ABI3BP: variants seen among roughly 807,000 people sequenced by gnomAD.
ABI3BP encodes the protein ABI family member 3 binding protein, also known as target of Nesh-SH3.
ABI3BP carries 216 observed loss-of-function variants against 268.6 expected under a neutral mutation model. That is an observed-to-expected ratio of 0.80 (90% CI 0.72 to 0.90). The LOEUF (loss-of-function observed/expected upper bound fraction) is 0.90. Among genes scored for constraint, ABI3BP ranks in the 40% least tolerant of loss-of-function variants. ABI3BP has a pLI of 0.00. For synonymous variants in ABI3BP, 730 were observed against 730.0 expected (o/e 1.00, Z 0.00); for missense variants, 2,090 against 2,182.4 (o/e 0.96, Z 0.84).
chr3:100,840,103 T>C lies in ABI3BP; in HGVS notation c.1866A>G (p.Thr622=). ...RPRPRPRPKT[T]PSPEVPKSKP... ...TGGACTTGGGCACTTCTGGACTAGGTGTGGTTTTAGGGCGGGGACGGGGGC... is the reference window on the plus strand; with the variant it reads ...TGGACTTGGGCACTTCTGGACTAGGCGTGGTTTTAGGGCGGGGACGGGGGC... The change falls in exon 23 of 68, where the codon ACA becomes ACG. Residue 622 remains threonine (T), a synonymous_variant. Transcript: ENST00000471714. 1 of 1,280,760 alleles carries C rather than the reference T, an allele frequency of 7.8e-7. No individual in the cohort carries two copies. Among genetic ancestry groups the C allele is most frequent in the Non-Finnish European group, 1.0e-6 (1 of 973,942 alleles). 79.3% of individuals were successfully genotyped at this position (1,280,760 alleles called of 1,614,324 possible).
At chr3:100,810,571 T>C (rs76010632) in intron 48 of ABI3BP, 94 bp from the exon 49 acceptor site, 1 of 809,028 alleles carries the variant, frequency 1.2e-6, no homozygotes, top group African/African-American at 1.7e-5. Context: ...TAGATTTTTT[T>C]AAAATAAAGA....
chr3:100,926,537 C>T, intron 1 of ABI3BP, 56 bp from the exon 2 acceptor site: 2 of 1,503,170 alleles, frequency 1.3e-6, no homozygotes, highest in Non-Finnish European at 1.8e-6. Flanking sequence ...TAGCATCCTA[C>T]CCAACTTCCC....
At chr3:100,878,163 TATTA>T (rs1470140967) in intron 6 of ABI3BP, among the ~76,000 whole-genome samples, 1 of 152,210 alleles carries the variant, frequency 6.6e-6, no homozygotes, top group Non-Finnish European at 1.5e-5. Flanking sequence ...ATAGAGGTTT[TATTA>T]AATGATAGTT....
intron 30 of ABI3BP, 87 bp from the exon 31 acceptor site, chr3:100,832,437 T>C (rs1254415827): frequency 5.7e-6 from 7 of 1,229,500 alleles, no homozygotes; most frequent in African/African-American, 1.5e-5. Context: ...TTTAAAATAC[T>C]TGTTAGAGTT....
At chr3:100,795,943 T>G (rs1013322818) in intron 52 of ABI3BP, 92 bp from the exon 53 acceptor site, 1 of 883,664 alleles carries the variant, frequency 1.1e-6, no homozygotes, top group African/African-American at 1.8e-5. Flanking sequence ...TGCATTGATT[T>G]AATAATTTAA....
chr3:100,756,999 A>G (rs1402005875), intron 63 of ABI3BP, among the ~76,000 whole-genome samples: 1 of 152,070 alleles, frequency 6.6e-6, no homozygotes, highest in Non-Finnish European at 1.5e-5. Context: ...ATGTCTCAAT[A>G]TTGATTGTAC....
intron 1 of ABI3BP, among the ~76,000 whole-genome samples, chr3:100,966,750 T>C (rs571118795): frequency 6.6e-6 from 1 of 152,266 alleles, no homozygotes; most frequent in East Asian, 1.9e-4. Context: ...AGAATGTCCT[T>C]CTTCTTCTTC....
intron 63 of ABI3BP, among the ~76,000 whole-genome samples, chr3:100,762,077 A>G (rs2095994172): frequency 6.6e-6 from 1 of 152,144 alleles, no homozygotes; most frequent in Admixed American, 6.5e-5. Context: ...TCCTCCAAGC[A>G]TTGAAATATG....
At chr3:100,949,117 A>C (rs375893020) in intron 1 of ABI3BP, among the ~76,000 whole-genome samples, 1 of 152,112 alleles carries the variant, frequency 6.6e-6, no homozygotes, top group African/African-American at 2.4e-5. Flanking sequence ...ATAGCTTTAT[A>C]TCTTTATTTT....
intron 59 of ABI3BP, among the ~76,000 whole-genome samples, chr3:100,777,302 A>G (rs2096732311): frequency 6.6e-6 from 1 of 152,200 alleles, no homozygotes; most frequent in African/African-American, 2.4e-5. Flanking sequence ...GGGAGGAAAG[A>G]TGGGGAACAT....
intron 20 of ABI3BP, 70 bp downstream of exon 20, chr3:100,846,302 T>C: frequency 2.9e-6 from 3 of 1,044,128 alleles, no homozygotes; most frequent in Non-Finnish European, 4.2e-6. Flanking sequence ...AAATTCTTGC[T>C]CCAAATAATT....
chr3:100,952,518 A>G (rs2075433829), intron 1 of ABI3BP: 1 of 152,228 alleles, frequency 6.6e-6, no homozygotes, highest in Admixed American at 6.5e-5. Flanking sequence ...GTAATTTGGT[A>G]TAAAAACACC....
At chr3:100,773,624 G>A (rs550603200) in intron 61 of ABI3BP, among the ~76,000 whole-genome samples, 1 of 152,214 alleles carries the variant, frequency 6.6e-6, no homozygotes, top group South Asian at 2.1e-4. Context: ...AAAGCATATG[G>A]CTATACAAAG....
chr3:100,915,923 C>T (rs141468034), intron 2 of ABI3BP, among the ~76,000 whole-genome samples: 69 of 152,304 alleles, frequency 4.5e-4, no homozygotes, highest in African/African-American at 1.5e-3. Flanking sequence ...AGATTCTCTC[C>T]CTGATACCAC....
intron 2 of ABI3BP, among the ~76,000 whole-genome samples, chr3:100,921,801 T>C (rs1312983724): frequency 6.6e-6 from 1 of 152,144 alleles, no homozygotes; most frequent in Non-Finnish European, 1.5e-5. Context: ...AGATAATAGA[T>C]AGGTATTAAA....
At position 100,828,384 on chromosome 3, in the gene ABI3BP, T is replaced by A; in HGVS notation, c.2602+9A>T. On this transcript the variant is annotated intron_variant, in intron 34 of 67. Coordinates refer to ENST00000471714, the MANE Select transcript of ABI3BP (RefSeq NM_001375547.2). Reference sequence around the variant, plus strand: ...AAAGCACTTGCTGAAGATCAAAAAGTGGCATTACCGAATGTTGTCCCTGGA... The same window carrying A: ...AAAGCACTTGCTGAAGATCAAAAAGAGGCATTACCGAATGTTGTCCCTGGA... The A allele has an allele frequency of 6.5e-7, 1 of 1,532,160 alleles. No individual in the cohort carries two copies. The highest frequency in any genetic ancestry group is 2.4e-5 in the East Asian group (1 of 40,888). The allele number at this position is 1,532,160 out of a possible 1,614,324, so 94.9% of individuals were successfully genotyped here. A position where few individuals can be genotyped will look rare whatever the true frequency, so the allele number is the denominator to read the frequency against.
chr3:100,774,554 C>T, intron 61 of ABI3BP, 51 bp downstream of exon 61: 1 of 1,416,622 alleles, frequency 7.1e-7, no homozygotes, highest in South Asian at 1.3e-5. Flanking sequence ...GCTGATACAC[C>T]TACCAAAAAT....
chr3:100,969,087 G>A (rs1394295240), intron 1 of ABI3BP, among the ~76,000 whole-genome samples: 1 of 152,132 alleles, frequency 6.6e-6, no homozygotes, highest in African/African-American at 2.4e-5. Context: ...TGATACAAAG[G>A]GCGGGGAAGC....
chr3:100,749,334 C>CTT lies in ABI3BP; in HGVS notation c.*1159_*1160dup. The stretch of plus-strand genomic sequence containing the variant: ...CAGAAATAACAAACAAAAACTCAAT[C>CTT]TTAAAAAAAAACTACATCTCTTTAT... On this transcript the variant is annotated 3_prime_UTR_variant, in exon 68 of 68. Coordinates refer to ENST00000471714, the MANE Select transcript of ABI3BP (RefSeq NM_001375547.2). 8.1e-6 allele frequency: 1 copy of CTT among 123,358 alleles called. No homozygotes were observed. Among genetic ancestry groups the CTT allele is most frequent in the East Asian group, 1.3e-4 (1 of 7,648 alleles). The allele number at this position is 123,358 out of a possible 1,614,324, so 7.6% of individuals were successfully genotyped here. A position where few individuals can be genotyped will look rare whatever the true frequency, so the allele number is the denominator to read the frequency against.
Sources: allele counts gnomAD v4.1 joint callset (sites outside exome capture counted in the v4.1 genomes callset), GRCh38; gene constraint gnomAD v4.1.1; transcripts MANE v1.5; gene names NCBI Gene and HGNC (gene_info 2026-07-23, HGNC 2026-07-21).